CDK5RAP2: variants seen among roughly 807,000 people sequenced by gnomAD.
CDK5RAP2 encodes the protein CDK5 regulatory subunit-associated protein 2.
In CDK5RAP2, 147 loss-of-function variants were observed where a neutral mutation model predicts 232.9. That is an observed-to-expected ratio of 0.63 (90% CI 0.55 to 0.72). The LOEUF (loss-of-function observed/expected upper bound fraction) is 0.72. Among genes scored for constraint, CDK5RAP2 ranks in the 30% least tolerant of loss-of-function variants. The pLI is 0.00. For synonymous variants in CDK5RAP2, 833 were observed against 833.7 expected, an observed-to-expected ratio of 1.00 and a Z score of 0.01; for missense variants, 2,195 against 2,231.5, an observed-to-expected ratio of 0.98 and a Z score of 0.33.
chr9:120,471,621 A>G, intron 16 of CDK5RAP2, 127 bp downstream of exon 16: 2 of 1,357,128 alleles, frequency 1.5e-6, no homozygotes, highest in South Asian at 2.3e-5. Context: ...GTCACCACAA[A>G]AAGGATCTCC....
rs201278634 is a variant in CDK5RAP2 at position 120,453,549 on chromosome 9, G to A, written c.2700C>T (p.Asn900=). 1.2e-6 allele frequency: 2 copies of A among 1,614,192 alleles called. No homozygotes were observed. Among genetic ancestry groups the A allele is most frequent in the East Asian group, 2.2e-5 (1 of 44,884 alleles). Residue 900 remains asparagine, a synonymous_variant, in exon 21 of 38, where the codon AAC becomes AAT. Transcript: ENST00000349780. ...TREAWEEKPI[N]TALSAEHRPE... ...GCCGATGCTCTGCGCTGAGTGCAGT[G>A]TTGATCGGTTTCTCTTCCCAAGCCT...
chr9:120,578,985 T>A (rs772671882), intron 1 of CDK5RAP2, among the ~76,000 whole-genome samples: 2 of 152,164 alleles, frequency 1.3e-5, no homozygotes, highest in African/African-American at 4.8e-5. Context: ...CAGTGCAGGT[T>A]CTCCGTCAGG....
At chr9:120,404,592 G>A (rs2033306343) in intron 32 of CDK5RAP2, among the ~76,000 whole-genome samples, 1 of 152,202 alleles carries the variant, frequency 6.6e-6, no homozygotes, top group African/African-American at 2.4e-5. Flanking sequence ...GGAGAAATAA[G>A]CAGTTCATAG....
chr9:120,539,816 A>C (rs2041550406), intron 5 of CDK5RAP2, among the ~76,000 whole-genome samples: 1 of 152,244 alleles, frequency 6.6e-6, no homozygotes, highest in East Asian at 1.9e-4. Flanking sequence ...GATTCTGGAT[A>C]GCTATTGCCA....
intron 25 of CDK5RAP2, among the ~76,000 whole-genome samples, chr9:120,423,685 T>A (rs1342002386): frequency 6.6e-6 from 1 of 152,204 alleles, no homozygotes; most frequent in Non-Finnish European, 1.5e-5. Context: ...TTGAAGACAC[T>A]GATGCGTGGC....
At chr9:120,497,421 TAAAAAAAAAAAA>T (rs71385064) in intron 12 of CDK5RAP2, among the ~76,000 whole-genome samples, 3,797 of 23,562 alleles carry the variant, frequency 0.16, 125 homozygotes, top group East Asian at 0.25. Flanking sequence ...AAAATAAATT[TAAAAAAAAAAAA>T]AAAAAAAAAA....
At chr9:120,406,285 C>T (rs2033430746) in intron 32 of CDK5RAP2, 1 of 152,212 alleles carries the variant, frequency 6.6e-6, no homozygotes, top group South Asian at 2.1e-4. Context: ...CCCAGGATAC[C>T]CAACGCTCCA....
Position 120,536,431 on chromosome 9 carries a change from C to T in CDK5RAP2, c.603G>A (p.Glu201=), listed in dbSNP as rs771860206. The part of the protein sequence containing the change: ...LRLRLESKLS[E]MKKMHEGDLA... ...AGTCCCCCTCGTGCATCTTCTTCATCTCTGAAAGCTTGCTTTCCAAACGCA... is the reference window on the plus strand; with the variant it reads ...AGTCCCCCTCGTGCATCTTCTTCATTTCTGAAAGCTTGCTTTCCAAACGCA... The change falls in exon 7 of 38, where the codon GAG becomes GAA. Residue 201 remains glutamate (E), a synonymous_variant. Coordinates refer to ENST00000349780, the MANE Select transcript of CDK5RAP2 (RefSeq NM_018249.6). The T allele has an allele frequency of 1.4e-5, 23 of 1,614,216 alleles. No individual in the cohort carries two copies. The South Asian group carries it at 2.2e-4, about 15-fold the overall frequency.
rs749431558 is a variant in CDK5RAP2 at position 120,487,426 on chromosome 9, T to C, written c.1494A>G (p.Glu498=). 1.2e-6 allele frequency: 2 copies of C among 1,604,438 alleles called. No individual in the cohort carries two copies. Among genetic ancestry groups the C allele is most frequent in the South Asian group, 1.1e-5 (1 of 88,192 alleles). ...TCTGCTGTATTACTTCCAAATCTTT[T>C]TCATTGAATTTCTAATGAAATAAAA... ...QKDVLLQKFN[E]KDLEVIQQNC... is the part of the protein sequence containing the mutation. Residue 498 remains glutamate, a synonymous_variant, in exon 14 of 38, where the codon GAA becomes GAG. Coordinates refer to ENST00000349780, the MANE Select transcript of CDK5RAP2 (RefSeq NM_018249.6).
intron 24 of CDK5RAP2, among the ~76,000 whole-genome samples, chr9:120,438,144 C>T (rs936456736): frequency 2.6e-5 from 4 of 152,206 alleles, no homozygotes; most frequent in African/African-American, 9.7e-5. Context: ...ACACAATTCT[C>T]ACTTTGAAGA....
intron 14 of CDK5RAP2, among the ~76,000 whole-genome samples, chr9:120,478,542 C>T (rs1172401281): frequency 6.6e-6 from 1 of 152,124 alleles, no homozygotes; most frequent in African/African-American, 2.4e-5. Context: ...GAGGCCAAGG[C>T]GGGAAAATCA....
Position 120,437,524 on chromosome 9 carries a change from G to A in CDK5RAP2, c.3726C>T (p.Tyr1242=), listed in dbSNP as rs781601020. ...NKFRDLSPPR[Y]DSLVQSQARE... is the part of the protein sequence containing the mutation. The stretch of plus-strand genomic sequence containing the variant: ...TGGCTTGGGACTGAACTAATGAATC[G>A]TATCTGATAAAAGAGGGGAAAGAAA... Residue 1242 remains tyrosine, a synonymous_variant, in exon 25 of 38, where the codon TAC becomes TAT. Coordinates refer to ENST00000349780, the MANE Select transcript of CDK5RAP2 (RefSeq NM_018249.6). 15 of 1,608,580 alleles carry A rather than the reference G, an allele frequency of 9.3e-6. No individual in the cohort carries two copies. The highest frequency in any genetic ancestry group is 1.3e-5 in the African/African-American group (1 of 74,906).
intron 3 of CDK5RAP2, among the ~76,000 whole-genome samples, chr9:120,564,635 T>C (rs2132151220): frequency 6.6e-6 from 1 of 152,238 alleles, no homozygotes; most frequent in Admixed American, 6.5e-5. Context: ...GCTCAATCTA[T>C]CCCTTTTATT....
chr9:120,512,534 T>C (rs2040143107), intron 12 of CDK5RAP2, among the ~76,000 whole-genome samples: 1 of 152,246 alleles, frequency 6.6e-6, no homozygotes, highest in Non-Finnish European at 1.5e-5. Flanking sequence ...TTAGCCAGAA[T>C]ACTTCAAGTT....
chr9:120,548,802 T>C (rs1278129663), intron 4 of CDK5RAP2, among the ~76,000 whole-genome samples: 1 of 152,156 alleles, frequency 6.6e-6, no homozygotes, highest in East Asian at 1.9e-4. Flanking sequence ...CAGAGTGAGA[T>C]ACTGTCTCAA....
chr9:120,401,612 A>AC, intron 34 of CDK5RAP2, among the ~76,000 whole-genome samples: 1 of 126,900 alleles, frequency 7.9e-6, no homozygotes, highest in Non-Finnish European at 1.5e-5. Context: ...CCCTGTCTCA[A>AC]AAAAAAAAAA....
chr9:120,553,470 T>C lies in CDK5RAP2; in HGVS notation c.196-2568A>G, dbSNP rs115673009. On this transcript the variant is annotated intron_variant, in intron 3 of 37. Coordinates refer to ENST00000349780, the MANE Select transcript of CDK5RAP2 (RefSeq NM_018249.6). ...TCTGTTTCATACATTTTTAAGTCTCTGCCTTTGTGGGAAAAAAAATTCCTC... is the reference window on the plus strand; with the variant it reads ...TCTGTTTCATACATTTTTAAGTCTCCGCCTTTGTGGGAAAAAAAATTCCTC... Among the ~76,000 whole-genome samples, 1,072 of 152,336 alleles carry C rather than the reference T, an allele frequency of 7.0e-3. 17 individuals carry two copies. Among genetic ancestry groups the C allele is most frequent in the African/African-American group, 0.025 (1,022 of 41,588 alleles).
At chr9:120,517,551 AC>A (rs1315134868) in intron 12 of CDK5RAP2, among the ~76,000 whole-genome samples, 4 of 152,254 alleles carry the variant, frequency 2.6e-5, no homozygotes, top group Non-Finnish European at 4.4e-5. Flanking sequence ...AAATTAAAAG[AC>A]ACTGAATATT....
At chr9:120,396,757 T>A (rs571970614) in intron 35 of CDK5RAP2, among the ~76,000 whole-genome samples, 2 of 152,356 alleles carry the variant, frequency 1.3e-5, no homozygotes, top group African/African-American at 4.8e-5. Flanking sequence ...TCTCCTAACA[T>A]CCTGTATATA....
Sources: allele counts gnomAD v4.1 joint callset (sites outside exome capture counted in the v4.1 genomes callset), GRCh38; gene constraint gnomAD v4.1.1; transcripts MANE v1.5; gene names NCBI Gene and HGNC (gene_info 2026-07-23, HGNC 2026-07-21).